CSMD2: variants seen among roughly 807,000 people sequenced by gnomAD.
CSMD2 encodes CUB and Sushi multiple domains 2.
A neutral mutation model predicts 398.5 loss-of-function variants in CSMD2; 130 were observed. The observed-to-expected ratio is 0.33, with a 90% CI of 0.28 to 0.38. The LOEUF is 0.38. Ranked by LOEUF, CSMD2 falls within the 10% of genes least tolerant of loss-of-function variation. The probability of loss-of-function intolerance (pLI) is 1.00; values close to 1 mark genes in which losing one functional copy is unlikely to be tolerated. For synonymous variants in CSMD2, 1,828 were observed against 1,908.5 expected (o/e 0.96, Z 1.10); for missense variants, 3,829 against 4,764.9 (o/e 0.80, Z 5.78).
intron 47 of CSMD2, among the ~76,000 whole-genome samples, chr1:33,581,382 T>C (rs992020867): frequency 1.8e-5 from 1 of 54,842 alleles, no homozygotes; most frequent in Non-Finnish European, 3.8e-5. Context: ...AAAAAAAAAA[T>C]ACAAAAATTA....
At chr1:33,891,376 A>G (rs542421624) in intron 5 of CSMD2, among the ~76,000 whole-genome samples, 216 of 150,676 alleles carry the variant, frequency 1.4e-3, no homozygotes, top group African/African-American at 4.5e-3. Context: ...TTAGAATGGC[A>G]ATCATTAAAA....
At chr1:33,906,177 T>C (rs1558082743) in intron 5 of CSMD2, among the ~76,000 whole-genome samples, 1 of 152,216 alleles carries the variant, frequency 6.6e-6, no homozygotes, top group African/African-American at 2.4e-5. Flanking sequence ...TTTGTGGTGT[T>C]ATACCACTGA....
intron 38 of CSMD2, among the ~76,000 whole-genome samples, chr1:33,617,286 T>C (rs966960996): frequency 6.6e-6 from 1 of 152,240 alleles, no homozygotes. Flanking sequence ...AAACCCAACT[T>C]TGCAGGAACA....
intron 3 of CSMD2, among the ~76,000 whole-genome samples, chr1:34,020,517 A>T (rs1036473530): frequency 2.0e-5 from 3 of 152,178 alleles, no homozygotes; most frequent in Non-Finnish European, 2.9e-5. Context: ...CCCCAGCGTC[A>T]TGCTGCTGGC....
intron 5 of CSMD2, chr1:33,864,523 T>A: frequency 6.2e-7 from 1 of 1,614,034 alleles, no homozygotes; most frequent in Non-Finnish European, 8.5e-7. Context: ...TATGCTCAGC[T>A]GAAGAGGGAG....
chr1:33,761,529 C>T (rs961943097), intron 13 of CSMD2, among the ~76,000 whole-genome samples: 2 of 152,168 alleles, frequency 1.3e-5, no homozygotes, highest in Non-Finnish European at 2.9e-5. Flanking sequence ...CAGAGGAATT[C>T]AAGGAAGGGT....
intron 12 of CSMD2, among the ~76,000 whole-genome samples, chr1:33,779,841 A>G (rs1047955294): frequency 4.6e-5 from 7 of 152,214 alleles, no homozygotes; most frequent in African/African-American, 1.4e-4. Flanking sequence ...TGAAATGTCT[A>G]TATCCCAGCT....
chr1:33,745,350 C>G (rs1156257848), intron 13 of CSMD2, among the ~76,000 whole-genome samples: 1 of 152,114 alleles, frequency 6.6e-6, no homozygotes, highest in Non-Finnish European at 1.5e-5. Flanking sequence ...TTCTAAACAT[C>G]TTTTAATATA....
intron 1 of CSMD2, among the ~76,000 whole-genome samples, chr1:34,090,187 G>A (rs1048005214): frequency 6.6e-6 from 1 of 152,156 alleles, no homozygotes; most frequent in Non-Finnish European, 1.5e-5. Context: ...ATCACCTGGG[G>A]AATCTGTCTC....
intron 5 of CSMD2, among the ~76,000 whole-genome samples, chr1:33,851,220 G>A (rs546517502): frequency 6.6e-6 from 1 of 152,214 alleles, no homozygotes; most frequent in Non-Finnish European, 1.5e-5. Flanking sequence ...CTAGATATAG[G>A]GAGTCCCTGA....
chr1:33,546,001 G>C, intron 57 of CSMD2, 36 bp downstream of exon 57: 7 of 1,580,056 alleles, frequency 4.4e-6, no homozygotes, highest in Non-Finnish European at 6.1e-6. Flanking sequence ...TCTGGGGCTG[G>C]GCAAAGGGGA....
At chr1:33,621,652 T>G (rs1641779786) in intron 37 of CSMD2, among the ~76,000 whole-genome samples, 1 of 152,182 alleles carries the variant, frequency 6.6e-6, no homozygotes, top group African/African-American at 2.4e-5. Flanking sequence ...CTTTCTTTGT[T>G]CCCCAGAAGG....
chr1:34,025,011 C>T (rs988970716), intron 3 of CSMD2, among the ~76,000 whole-genome samples: 8 of 152,180 alleles, frequency 5.3e-5, no homozygotes, highest in Non-Finnish European at 8.8e-5. Flanking sequence ...CTCTGGACCC[C>T]AATTTATCTG....
chr1:34,149,916 A>T (rs1297170230), intron 1 of CSMD2, among the ~76,000 whole-genome samples: 2 of 152,130 alleles, frequency 1.3e-5, no homozygotes, highest in East Asian at 3.9e-4. Context: ...GACACCCAGG[A>T]CCTGAGCCCT....
At chr1:33,785,760 T>C (rs547911259) in intron 12 of CSMD2, among the ~76,000 whole-genome samples, 1 of 152,270 alleles carries the variant, frequency 6.6e-6, no homozygotes, top group East Asian at 1.9e-4. Flanking sequence ...CCTGAGATAA[T>C]GAACATAAAG....
At chr1:33,850,136 C>T (rs1247962444) in intron 5 of CSMD2, among the ~76,000 whole-genome samples, 1 of 152,118 alleles carries the variant, frequency 6.6e-6, no homozygotes, top group Non-Finnish European at 1.5e-5. Flanking sequence ...GGCTTAGCCC[C>T]TCGCTTCCTC....
intron 5 of CSMD2, among the ~76,000 whole-genome samples, chr1:33,908,594 A>G (rs1643265019): frequency 1.3e-5 from 2 of 152,232 alleles, no homozygotes; most frequent in South Asian, 4.1e-4. Context: ...GCCAAGTCAC[A>G]AGCTTTAGCA....
chr1:33,644,451 G>A (rs1350157500), intron 29 of CSMD2, among the ~76,000 whole-genome samples: 1 of 152,162 alleles, frequency 6.6e-6, no homozygotes, highest in East Asian at 1.9e-4. Flanking sequence ...CTGCCAAGAA[G>A]AACTCAGTTG....
At chr1:34,113,941 G>A (rs1661349433) in intron 1 of CSMD2, among the ~76,000 whole-genome samples, 1 of 152,220 alleles carries the variant, frequency 6.6e-6, no homozygotes, top group Non-Finnish European at 1.5e-5. Flanking sequence ...TACATTCAGT[G>A]TTCCCACTTT....
Sources: allele counts gnomAD v4.1 joint callset (sites outside exome capture counted in the v4.1 genomes callset), GRCh38; gene constraint gnomAD v4.1.1; transcripts MANE v1.5; gene names NCBI Gene and HGNC (gene_info 2026-07-23, HGNC 2026-07-21).